SLC66A3: variants seen among roughly 807,000 people sequenced by gnomAD.
SLC66A3 encodes the protein PQ loop repeat containing 3.
SLC66A3 carries 23 observed loss-of-function variants against 25.5 expected under a neutral mutation model. The observed-to-expected ratio is 0.90, with a 90% confidence interval of 0.65 to 1.28. The LOEUF is 1.28. Ranked by LOEUF, SLC66A3 falls within the 50% of genes most tolerant of loss-of-function variation. The pLI, the probability that SLC66A3 is intolerant of heterozygous loss-of-function variation, is 0.00. For missense variants in SLC66A3, 246 were observed against 262.1 expected, an observed-to-expected ratio of 0.94 and a Z score of 0.42; for synonymous variants, 108 against 112.6, an observed-to-expected ratio of 0.96 and a Z score of 0.26.
At chr2:11,158,502 G>A (rs7556705) in intron 1 of SLC66A3, among the ~76,000 whole-genome samples, 27,243 of 152,188 alleles carry the variant, frequency 0.18, 2,946 homozygotes, top group East Asian at 0.48. Flanking sequence ...CTCTACTAAA[G>A]ATACAAAAAA....
chr2:11,165,843 G>A (rs1006736206), intron 4 of SLC66A3, among the ~76,000 whole-genome samples: 2 of 136,906 alleles, frequency 1.5e-5, no homozygotes, highest in African/African-American at 2.5e-5. Context: ...GCGAAACCCT[G>A]TCTCCACCAA....
chr2:11,168,853 A>AT (rs1662446501), intron 4 of SLC66A3, among the ~76,000 whole-genome samples: 1 of 150,978 alleles, frequency 6.6e-6, no homozygotes, highest in African/African-American at 2.4e-5. Flanking sequence ...TCCCTTCTCC[A>AT]TAATTCCTTT....
chr2:11,173,888 T>C (rs1662640168), intron 5 of SLC66A3, among the ~76,000 whole-genome samples: 1 of 152,174 alleles, frequency 6.6e-6, no homozygotes, highest in South Asian at 2.1e-4. Context: ...GGAAAAATCT[T>C]CCCCTTTTCT....
At chr2:11,170,727 T>C (rs1316779960) in intron 4 of SLC66A3, among the ~76,000 whole-genome samples, 1 of 151,822 alleles carries the variant, frequency 6.6e-6, no homozygotes, top group Admixed American at 6.6e-5. Flanking sequence ...TAGCTGGGAT[T>C]ACAGGCGCCC....
chr2:11,166,612 G>A (rs558803470), intron 4 of SLC66A3, among the ~76,000 whole-genome samples: 1 of 152,132 alleles, frequency 6.6e-6, no homozygotes, highest in East Asian at 1.9e-4. Context: ...TGCATGGGTC[G>A]AGGTGGGGTG....
At chr2:11,171,493 G>C (rs1662551232) in intron 4 of SLC66A3, among the ~76,000 whole-genome samples, 1 of 151,412 alleles carries the variant, frequency 6.6e-6, no homozygotes, top group Non-Finnish European at 1.5e-5. Flanking sequence ...ACTAAACTTA[G>C]GTTTCAACTT....
At chr2:11,156,662 C>T (rs1035947782) in intron 1 of SLC66A3, among the ~76,000 whole-genome samples, 4 of 152,070 alleles carry the variant, frequency 2.6e-5, no homozygotes, top group African/African-American at 4.8e-5. Flanking sequence ...CTATGGAGCC[C>T]GGCCCTGGGC....
At chr2:11,164,323 A>G (rs1348282507) in intron 4 of SLC66A3, 62 bp downstream of exon 4, 1 of 237,960 alleles carries the variant, frequency 4.2e-6, no homozygotes, top group Non-Finnish European at 6.8e-6. Context: ...AACTTGATAG[A>G]TATTTATATA....
chr2:11,161,582 G>A (rs772945863), intron 3 of SLC66A3, among the ~76,000 whole-genome samples: 3 of 151,994 alleles, frequency 2.0e-5, no homozygotes, highest in Non-Finnish European at 4.4e-5. Flanking sequence ...GCAGTGGCTG[G>A]ATTAGAGCTC....
intron 4 of SLC66A3, among the ~76,000 whole-genome samples, chr2:11,164,693 A>C (rs548962370): frequency 6.6e-6 from 1 of 151,460 alleles, no homozygotes; most frequent in Non-Finnish European, 1.5e-5. Context: ...GGCCTTCCGC[A>C]GTGTTTGTGT....
chr2:11,163,199 T>C (rs2147988073), intron 3 of SLC66A3, among the ~76,000 whole-genome samples: 1 of 152,340 alleles, frequency 6.6e-6, no homozygotes, highest in African/African-American at 2.4e-5. Flanking sequence ...TGTACTTTTA[T>C]TTGTGAAATC....
chr2:11,169,015 G>A (rs558520729), intron 4 of SLC66A3, among the ~76,000 whole-genome samples: 3 of 151,938 alleles, frequency 2.0e-5, no homozygotes, highest in South Asian at 2.1e-4. Context: ...ACGCCACCAC[G>A]CCTGGCTAAT....
At chr2:11,176,650 T>G (rs1256739247) in intron 6 of SLC66A3, among the ~76,000 whole-genome samples, 1 of 139,250 alleles carries the variant, frequency 7.2e-6, no homozygotes, top group Non-Finnish European at 1.5e-5. Context: ...TGCCTCAGCC[T>G]CCCAAGTAGC....
At chr2:11,167,624 G>A (rs926660558) in intron 4 of SLC66A3, among the ~76,000 whole-genome samples, 7 of 152,086 alleles carry the variant, frequency 4.6e-5, no homozygotes, top group East Asian at 1.9e-4. Flanking sequence ...ACCAGGCTCC[G>A]TGCTGTGTCT....
intron 6 of SLC66A3, 21 bp downstream of exon 6, chr2:11,175,030 C>A: frequency 6.3e-7 from 1 of 1,580,766 alleles, no homozygotes. Flanking sequence ...TATCTTCTCA[C>A]TTCCTTTTTG....
chr2:11,159,441 GC>G (rs1380708242), intron 1 of SLC66A3, among the ~76,000 whole-genome samples: 1 of 152,132 alleles, frequency 6.6e-6, no homozygotes, highest in African/African-American at 2.4e-5. Context: ...CACGGTGGGG[GC>G]CCGCACTCGG....
chr2:11,160,472 G>T lies in SLC66A3; in HGVS notation c.150G>T (p.Leu50=), dbSNP rs1173817012. ...PSLLLELAGF[L]VFLRYQCYYG... The stretch of plus-strand genomic sequence containing the variant: ...TGTGCCCTTCTCTCTCCAGATTCCT[G>T]GTGTTTCTGCGGTACCAGTGTTACT... Residue 50 remains leucine (L), a synonymous_variant, in exon 2 of 7, where the codon CTG becomes CTT. Coordinates refer to ENST00000295083, the MANE Select transcript of SLC66A3 (RefSeq NM_152391.5). 1.2e-6 allele frequency: 2 copies of T among 1,613,958 alleles called. No homozygotes were observed. The highest frequency in any genetic ancestry group is 1.7e-6 in the Non-Finnish European group (2 of 1,179,984).
chr2:11,160,581 A>G, intron 2 of SLC66A3, 33 bp downstream of exon 2: 6 of 1,614,060 alleles, frequency 3.7e-6, no homozygotes, highest in Non-Finnish European at 5.1e-6. Context: ...GCGGACTGCC[A>G]CGGGTCTCCC....
In SLC66A3 at chr2:11,159,106, C is replaced by T. The variant is rs567616759; in HGVS notation, c.144-1360C>T. On this transcript the variant is annotated intron_variant, in intron 1 of 6. Transcript: ENST00000295083. ...ACGGGCTCTGACATCCCCAGGTTCT[C>T]AGGCCTGGCCTGTGGACTGTGGCTG... Among the ~76,000 whole-genome samples the T allele has an allele frequency of 9.8e-5, 15 of 152,368 alleles. No homozygotes were observed. In the South Asian group the frequency reaches 3.1e-3, roughly 32 times the overall value.
Sources: allele counts gnomAD v4.1 joint callset (sites outside exome capture counted in the v4.1 genomes callset), GRCh38; gene constraint gnomAD v4.1.1; transcripts MANE v1.5; gene names NCBI Gene and HGNC (gene_info 2026-07-23, HGNC 2026-07-21).